CACNA1A: variants seen among roughly 807,000 people sequenced by gnomAD.
CACNA1A encodes voltage-dependent P/Q-type calcium channel subunit alpha-1A.
In CACNA1A, 57 loss-of-function variants were observed where a neutral mutation model predicts 262.4. The ratio of observed to expected loss-of-function variants is 0.22; its 90% confidence interval spans 0.18 to 0.27. CACNA1A has a LOEUF of 0.27. CACNA1A is among the 10% of genes least tolerant of loss of function. The probability of loss-of-function intolerance (pLI) is 1.00; values close to 1 mark genes in which losing one functional copy is unlikely to be tolerated. For missense variants in CACNA1A, 2,526 were observed against 3,562.8 expected, an observed-to-expected ratio of 0.71 and a Z score of 7.41; for synonymous variants, 1,431 against 1,419.3, an observed-to-expected ratio of 1.01 and a Z score of -0.18.
intron 38 of CACNA1A, among the ~76,000 whole-genome samples, chr19:13,223,530 A>G (rs946070676): frequency 2.6e-5 from 4 of 152,024 alleles, no homozygotes; most frequent in African/African-American, 7.2e-5. Context: ...CACCCAGATG[A>G]TATCAGCAGC....
intron 22 of CACNA1A, among the ~76,000 whole-genome samples, chr19:13,278,488 G>A (rs1337849588): frequency 2.0e-5 from 3 of 152,040 alleles, no homozygotes; most frequent in Non-Finnish European, 4.4e-5. Flanking sequence ...TCCCCTGACC[G>A]GCTGTTTAAA....
At chr19:13,485,552 A>T (rs1979870664) in intron 1 of CACNA1A, among the ~76,000 whole-genome samples, 1 of 152,226 alleles carries the variant, frequency 6.6e-6, no homozygotes, top group Non-Finnish European at 1.5e-5. Context: ...GACCTAATCA[A>T]AAATGGACAG....
intron 1 of CACNA1A, among the ~76,000 whole-genome samples, chr19:13,487,415 G>A (rs2145109491): frequency 6.6e-6 from 1 of 152,082 alleles, no homozygotes; most frequent in East Asian, 1.9e-4. Flanking sequence ...GCCAGGGAAG[G>A]CGAGTTCAAA....
chr19:13,434,129 CAT>C lies in CACNA1A; in HGVS notation c.539+18745_539+18746del, dbSNP rs548402349. ...CCTAAGGGCACAGCCTGGCCACACACATGTTATATCTGTGTTCACTATTGTTG... is the reference window on the plus strand; with the variant it reads ...CCTAAGGGCACAGCCTGGCCACACACGTTATATCTGTGTTCACTATTGTTG... On this transcript the variant is annotated intron_variant, in intron 3 of 46. Coordinates refer to ENST00000360228, the MANE Select transcript of CACNA1A (RefSeq NM_001127222.2). Among the ~76,000 whole-genome samples, 17 of 152,278 alleles carry C rather than the reference CAT, an allele frequency of 1.1e-4. No homozygotes were observed. The South Asian group carries it at 2.3e-3, about 20-fold the overall frequency.
intron 1 of CACNA1A, among the ~76,000 whole-genome samples, chr19:13,466,238 T>G (rs1035979456): frequency 2.6e-5 from 4 of 151,640 alleles, no homozygotes; most frequent in African/African-American, 4.8e-5. Context: ...CTTGACTCTC[T>G]CCTCAGGGTT....
chr19:13,460,859 AT>A (rs912739999), intron 1 of CACNA1A, among the ~76,000 whole-genome samples: 1 of 151,456 alleles, frequency 6.6e-6, no homozygotes, highest in Non-Finnish European at 1.5e-5. Context: ...TAGCCTGCTT[AT>A]TTTTTTCTTT....
intron 6 of CACNA1A, among the ~76,000 whole-genome samples, chr19:13,336,464 A>T (rs964413435): frequency 6.6e-6 from 1 of 152,210 alleles, no homozygotes; most frequent in African/African-American, 2.4e-5. Context: ...AGAGGAAAAA[A>T]GTCCACAAAT....
At chr19:13,413,616 A>G (rs944813391) in intron 3 of CACNA1A, among the ~76,000 whole-genome samples, 5 of 141,862 alleles carry the variant, frequency 3.5e-5, no homozygotes, top group African/African-American at 1.0e-4. Flanking sequence ...AGTGGCTCAC[A>G]CCTGTTAATC....
At chr19:13,360,298 G>A (rs2059083102) in intron 5 of CACNA1A, among the ~76,000 whole-genome samples, 2 of 132,496 alleles carry the variant, frequency 1.5e-5, no homozygotes, top group Admixed American at 1.5e-4. Flanking sequence ...AAGACAGAGG[G>A]GAGAGGAAGA....
chr19:13,209,922 G>C (rs1201612830), intron 44 of CACNA1A, among the ~76,000 whole-genome samples: 1 of 152,200 alleles, frequency 6.6e-6, no homozygotes, highest in Non-Finnish European at 1.5e-5. Context: ...GCTCTCCTGG[G>C]AGGGTGAGAA....
chr19:13,317,390 C>T, intron 10 of CACNA1A, 69 bp from the exon 11 acceptor site: 3 of 1,315,570 alleles, frequency 2.3e-6, no homozygotes, highest in Non-Finnish European at 2.1e-6. Flanking sequence ...CAATGTGCAG[C>T]CCAAGCACAG....
chr19:13,374,654 C>CT (rs1174410733), intron 3 of CACNA1A, among the ~76,000 whole-genome samples: 1 of 152,218 alleles, frequency 6.6e-6, no homozygotes, highest in Non-Finnish European at 1.5e-5. Context: ...CTATTCTCTT[C>CT]TTGCACCTTG....
intron 3 of CACNA1A, among the ~76,000 whole-genome samples, chr19:13,377,890 G>A (rs1055389543): frequency 1.3e-5 from 2 of 151,718 alleles, no homozygotes; most frequent in Non-Finnish European, 1.5e-5. Flanking sequence ...CACTTAGGGA[G>A]ATCAAGGCAG....
intron 1 of CACNA1A, among the ~76,000 whole-genome samples, chr19:13,480,735 C>T (rs896607848): frequency 2.0e-5 from 3 of 152,078 alleles, no homozygotes; most frequent in Admixed American, 2.0e-4. Context: ...GAGGTCATTG[C>T]CCCAACCCCT....
chr19:13,421,269 A>G (rs773304170), intron 3 of CACNA1A, among the ~76,000 whole-genome samples: 1 of 152,000 alleles, frequency 6.6e-6, no homozygotes, highest in Non-Finnish European at 1.5e-5. Context: ...TAAGGTTTTA[A>G]TCCGGTGGCC....
intron 3 of CACNA1A, among the ~76,000 whole-genome samples, chr19:13,381,840 G>A (rs1374129456): frequency 6.6e-6 from 1 of 152,222 alleles, no homozygotes; most frequent in Non-Finnish European, 1.5e-5. Flanking sequence ...GTGAGGGGAC[G>A]AAGGCAGTGA....
At chr19:13,261,357 A>T (rs2056730129) in intron 26 of CACNA1A, 93 bp downstream of exon 26, 1 of 1,105,748 alleles carries the variant, frequency 9.0e-7, no homozygotes, top group African/African-American at 1.6e-5. Flanking sequence ...TCACTTCTCC[A>T]GTCTCTGAGC....
At chr19:13,291,817 C>A (rs1456323181) in intron 19 of CACNA1A, among the ~76,000 whole-genome samples, 1 of 151,446 alleles carries the variant, frequency 6.6e-6, no homozygotes, top group Non-Finnish European at 1.5e-5. Flanking sequence ...TTTAAAAAAA[C>A]CAACTTGGGC....
chr19:13,458,566 G>A (rs1364077898), intron 1 of CACNA1A, among the ~76,000 whole-genome samples: 3 of 152,154 alleles, frequency 2.0e-5, no homozygotes, highest in Non-Finnish European at 4.4e-5. Context: ...CCCGAGGCAG[G>A]GGAGGGGTCG....
Sources: gnomAD v4.1 joint callset for allele counts (sites outside exome capture counted in the v4.1 genomes callset) on GRCh38, gnomAD v4.1.1 for gene constraint, MANE v1.5 for transcripts, NCBI Gene and HGNC (gene_info 2026-07-23, HGNC 2026-07-21) for gene names.